Variants in AP3D1 observed in about 807,000 individuals in gnomAD.
AP3D1 encodes adaptor related protein complex 3 subunit delta 1, also known as AP-3 complex subunit delta-1.
AP3D1 carries 51 observed loss-of-function variants against 147.6 expected under a neutral mutation model. The observed-to-expected ratio is 0.35, with a 90% CI of 0.28 to 0.44. The LOEUF (loss-of-function observed/expected upper bound fraction) is 0.44, where lower values mean the gene tolerates loss of function less well. AP3D1 is among the 20% of genes least tolerant of loss of function. The pLI is 1.00. For synonymous variants in AP3D1, 760 were observed against 663.0 expected (o/e 1.15, Z -2.25); for missense variants, 1,421 against 1,624.2 (o/e 0.87, Z 2.15).
intron 4 of AP3D1, among the ~76,000 whole-genome samples, chr19:2,134,293 T>C (rs1407523093): frequency 1.3e-5 from 2 of 151,782 alleles, no homozygotes; most frequent in East Asian, 1.9e-4. Context: ...TGGTGGTGTA[T>C]GCCTGCAGTC....
intron 1 of AP3D1, among the ~76,000 whole-genome samples, chr19:2,157,011 A>G (rs2019650639): frequency 6.7e-6 from 1 of 150,014 alleles, no homozygotes; most frequent in Admixed American, 6.7e-5. Context: ...TTGTTGAAAA[A>G]AACAAACATA....
intron 4 of AP3D1, among the ~76,000 whole-genome samples, chr19:2,135,333 C>A (rs1484061579): frequency 6.6e-6 from 1 of 152,108 alleles, no homozygotes; most frequent in Admixed American, 6.5e-5. Context: ...GCTGGGAGTT[C>A]AAGACCAGCC....
At chr19:2,131,537 C>CCT (rs2018943994) in intron 5 of AP3D1, among the ~76,000 whole-genome samples, 1 of 135,138 alleles carries the variant, frequency 7.4e-6, no homozygotes. Context: ...GATCTAGGCA[C>CCT]CCGGTGGACA....
intron 31 of AP3D1, among the ~76,000 whole-genome samples, chr19:2,102,873 A>C (rs2017998026): frequency 6.6e-6 from 1 of 152,120 alleles, no homozygotes; most frequent in African/African-American, 2.4e-5. Flanking sequence ...TCTTGAACCC[A>C]GGGGGTGGAG....
intron 1 of AP3D1, among the ~76,000 whole-genome samples, chr19:2,160,715 C>CA (rs2019689965): frequency 1.3e-5 from 2 of 152,108 alleles, no homozygotes. Flanking sequence ...TGCCTGCCTA[C>CA]ACAGGATTCT....
At chr19:2,131,448 C>T (rs3889953) in intron 5 of AP3D1, among the ~76,000 whole-genome samples, 9,393 of 90,848 alleles carry the variant, frequency 0.1, 351 homozygotes, top group Non-Finnish European at 0.18. Flanking sequence ...CAGGCAGCCA[C>T]GAGGGGACAG....
At chr19:2,142,922 G>A (rs369924095) in intron 1 of AP3D1, among the ~76,000 whole-genome samples, 3 of 151,970 alleles carry the variant, frequency 2.0e-5, no homozygotes, top group African/African-American at 4.8e-5. Context: ...GAGCCACCAC[G>A]CCAAGCTAAT....
At chr19:2,138,740 T>A in intron 1 of AP3D1, 26 bp from the exon 2 acceptor site, 1 of 1,518,286 alleles carries the variant, frequency 6.6e-7, no homozygotes, top group Non-Finnish European at 9.1e-7. Context: ...AACACAGAGA[T>A]TACAAACATC....
chr19:2,109,144 G>A lies in AP3D1; in HGVS notation c.3414C>T (p.Gly1138=), dbSNP rs781145878. ...GAAGATTCTGGAAGGACATCCGAAT[G>A]CCATCGACTTTGATTGAGCTCATGC... ...DLSMSSIKVD[G]IRMSFQNLLA... is the part of the protein sequence containing the mutation. The change falls in exon 30 of 32, where the codon GGC becomes GGT. Residue 1138 remains glycine, a synonymous_variant. Transcript: ENST00000643116. 6 of 1,609,720 alleles carry A rather than the reference G, an allele frequency of 3.7e-6. No homozygotes were observed. In the African/African-American group the frequency reaches 6.7e-5, roughly 18 times the overall value.
chr19:2,149,526 A>G (rs2019449823), intron 1 of AP3D1, among the ~76,000 whole-genome samples: 1 of 149,966 alleles, frequency 6.7e-6, no homozygotes, highest in Non-Finnish European at 1.5e-5. Flanking sequence ...CTGGGCAACA[A>G]GAGTGAAACT....
At chr19:2,137,698 C>T (rs774551059) in intron 3 of AP3D1, 29 bp downstream of exon 3, 27 of 1,604,632 alleles carry the variant, frequency 1.7e-5, no homozygotes, top group Non-Finnish European at 2.2e-5. Context: ...ACTCCCCACC[C>T]CACCAGCCTT....
intron 9 of AP3D1, among the ~76,000 whole-genome samples, 200 bp downstream of exon 9, chr19:2,126,952 C>A (rs1473472391): frequency 6.6e-6 from 1 of 152,172 alleles, no homozygotes; most frequent in Non-Finnish European, 1.5e-5. Context: ...GGTGGAAGAC[C>A]AGGCAGACGC....
rs143105452 is a variant in AP3D1, at chr19:2,109,123, A to T, written c.3435T>A (p.Asn1145Lys). 308 of 1,609,458 alleles carry T rather than the reference A, an allele frequency of 1.9e-4. No homozygotes were observed. In the African/African-American group the frequency reaches 3.7e-3, roughly 19 times the overall value. The change falls in exon 30 of 32, where the codon AAT becomes AAA. Residue 1145 changes from asparagine (N) to lysine (K), a missense_variant. Asn to Lys is a moderately conservative substitution (Grantham distance 94). Transcript: ENST00000643116. ...KVDGIRMSFQ[N>K]LLAKICFHHH... ...GGTGAAAACAGATCTTCGCCAGAAG[A>T]TTCTGGAAGGACATCCGAATGCCAT...
At chr19:2,126,907 G>A (rs964129792) in intron 9 of AP3D1, among the ~76,000 whole-genome samples, 1 of 152,102 alleles carries the variant, frequency 6.6e-6, no homozygotes, top group African/African-American at 2.4e-5. Context: ...TGGGCCACCA[G>A]GCAGCTTAAG....
rs749241108 is a variant in AP3D1, at chr19:2,116,679, C to T, written c.1927G>A (p.Ala643Thr). The T allele has an allele frequency of 1.2e-5, 20 of 1,609,136 alleles. No homozygotes were observed. Among genetic ancestry groups the T allele is most frequent in the Non-Finnish European group, 1.7e-5 (20 of 1,178,178 alleles). Residue 643 changes from alanine (A) to threonine (T), a missense_variant, in exon 17 of 32, where the codon GCC becomes ACC. Ala to Thr is a moderately conservative substitution (Grantham distance 58). Around this residue, in one of 6 missense-constraint regions of AP3D1, gnomAD observed 791 missense variants for 761.4 expected, o/e 1.04. Coordinates refer to ENST00000643116, the MANE Select transcript of AP3D1 (RefSeq NM_001261826.3). Reference sequence around the variant, plus strand: ...CGCTGCTCCTCCTCGTGGAAGACGGCCCTGGGCCTCTCGTCCTCTGACTCG... The same window carrying T: ...CGCTGCTCCTCCTCGTGGAAGACGGTCCTGGGCCTCTCGTCCTCTGACTCG... ...DSESEDERPRAVFHEEEQRRP... is the reference protein window; with the variant it reads ...DSESEDERPRTVFHEEEQRRP...
intron 14 of AP3D1, 112 bp downstream of exon 14, chr19:2,120,749 CG>C: frequency 9.3e-7 from 1 of 1,077,056 alleles, no homozygotes; most frequent in Non-Finnish European, 1.3e-6. Flanking sequence ...GCAAGACGGC[CG>C]GGGTGGCAGG....
chr19:2,105,126 G>A (rs1196571761), intron 31 of AP3D1, among the ~76,000 whole-genome samples: 1 of 152,214 alleles, frequency 6.6e-6, no homozygotes, highest in Non-Finnish European at 1.5e-5. Flanking sequence ...GAACAGCTAG[G>A]ACGAGGCAGA....
In AP3D1 at chr19:2,125,771, C is replaced by A. The variant is rs144001887; in HGVS notation, c.856+1381G>T. 2.0e-4 allele frequency among the ~76,000 whole-genome samples: 30 copies of A among 151,646 alleles called. No homozygotes were observed. The East Asian group carries it at 5.4e-3, about 27-fold the overall frequency. ...TAATTATCTGAATTGTGCTATTTGACAATCTAGAGGTGTACCTTAAAAATA... is the reference window on the plus strand; with the variant it reads ...TAATTATCTGAATTGTGCTATTTGAAAATCTAGAGGTGTACCTTAAAAATA... On this transcript the variant is annotated intron_variant, in intron 9 of 31. Transcript: ENST00000643116.
chr19:2,136,653 A>G (rs1213077402), intron 4 of AP3D1, among the ~76,000 whole-genome samples: 1 of 152,232 alleles, frequency 6.6e-6, no homozygotes, highest in Non-Finnish European at 1.5e-5. Flanking sequence ...GGAAGGGCCC[A>G]CAGCTACACC....
Sources: gnomAD v4.1 joint callset for allele counts (sites outside exome capture counted in the v4.1 genomes callset) on GRCh38, gnomAD v4.1.1 for gene constraint, gnomAD v4.1.1 regional missense constraint, MANE v1.5 for transcripts, NCBI Gene and HGNC (gene_info 2026-07-23, HGNC 2026-07-21) for gene names.